Variants in CXADR observed in about 807,000 individuals in gnomAD.
The protein encoded by CXADR is CXADR cell adhesion molecule.
A neutral mutation model predicts 40.3 loss-of-function variants in CXADR; 20 were observed. The ratio of observed to expected loss-of-function variants is 0.50; its 90% confidence interval spans 0.35 to 0.72. CXADR has a LOEUF of 0.72. CXADR is among the 30% of genes least tolerant of loss of function. The pLI, the probability that CXADR is intolerant of heterozygous loss-of-function variation, is 0.01. For missense variants in CXADR, 332 were observed against 449.1 expected, an observed-to-expected ratio of 0.74 and a Z score of 2.36; for synonymous variants, 150 against 161.3, an observed-to-expected ratio of 0.93 and a Z score of 0.53.
chr21:17,546,515 A>C (rs990425619), intron 1 of CXADR, among the ~76,000 whole-genome samples: 16 of 152,214 alleles, frequency 1.1e-4, no homozygotes, highest in African/African-American at 3.9e-4. Flanking sequence ...TGGCCAGAGC[A>C]GAGAAGGGGG....
chr21:17,635,609 G>A, the CXADR span, among the ~76,000 whole-genome samples: 1 of 152,100 alleles, frequency 6.6e-6, no homozygotes, highest in Non-Finnish European at 1.5e-5. Context: ...AAGTTTTTGA[G>A]CTGTGAAATT....
chr21:17,560,422 A>G (rs1014184628), intron 4 of CXADR, among the ~76,000 whole-genome samples: 1 of 152,072 alleles, frequency 6.6e-6, no homozygotes, highest in African/African-American at 2.4e-5. Context: ...GTGCCCCAAG[A>G]TGGGTTTGCA....
the CXADR span, among the ~76,000 whole-genome samples, chr21:17,611,106 T>C: frequency 6.6e-6 from 1 of 152,216 alleles, no homozygotes; most frequent in Non-Finnish European, 1.5e-5. Flanking sequence ...CCACCACGAC[T>C]GCTGTGCAGC....
intron 7 of CXADR, among the ~76,000 whole-genome samples, chr21:17,591,626 T>C (rs2061435621): frequency 6.6e-6 from 1 of 151,942 alleles, no homozygotes. Flanking sequence ...AATATCCAAG[T>C]TTAACCTATA....
downstream of CXADR, among the ~76,000 whole-genome samples, chr21:17,598,020 TC>T (rs1691779043): frequency 6.6e-6 from 1 of 152,192 alleles, no homozygotes; most frequent in African/African-American, 2.4e-5. Flanking sequence ...CTTTAAAATA[TC>T]TTTCCTGTTG....
intron 1 of CXADR, among the ~76,000 whole-genome samples, chr21:17,537,193 C>T (rs1433263352): frequency 2.6e-5 from 4 of 152,202 alleles, no homozygotes; most frequent in African/African-American, 9.6e-5. Flanking sequence ...TTGTCTTTTT[C>T]CCCTTAGTGC....
intron 3 of CXADR, among the ~76,000 whole-genome samples, chr21:17,553,319 G>T (rs2060993265): frequency 6.6e-6 from 1 of 152,192 alleles, no homozygotes; most frequent in African/African-American, 2.4e-5. Context: ...CAAGAGTGGG[G>T]ATTTTTGTGT....
intron 1 of CXADR, among the ~76,000 whole-genome samples, chr21:17,540,163 A>G (rs980857957): frequency 2.6e-5 from 4 of 151,962 alleles, no homozygotes; most frequent in African/African-American, 9.7e-5. Context: ...TCTTAAGCGG[A>G]TGTCAGTTCC....
chr21:17,584,075 G>A (rs566323620), intron 7 of CXADR, among the ~76,000 whole-genome samples: 6 of 152,308 alleles, frequency 3.9e-5, no homozygotes, highest in South Asian at 2.1e-4. Flanking sequence ...ATCAACTCAG[G>A]TGGGAAAGAT....
downstream of CXADR, among the ~76,000 whole-genome samples, chr21:17,574,998 C>CACAT (rs1555875111): frequency 6.2e-3 from 235 of 38,092 alleles, no homozygotes; most frequent in Admixed American, 0.013. Context: ...TATATACACA[C>CACAT]ACATACATAC....
At chr21:17,619,660 C>A in the CXADR span, among the ~76,000 whole-genome samples, 1 of 151,632 alleles carries the variant, frequency 6.6e-6, no homozygotes, top group Non-Finnish European at 1.5e-5. Flanking sequence ...GCATTGACTT[C>A]TCTCCAGTTA....
intron 1 of CXADR, chr21:17,518,627 C>G: frequency 6.3e-7 from 1 of 1,583,644 alleles, no homozygotes; most frequent in East Asian, 2.2e-5. Flanking sequence ...CTGTCCAAGA[C>G]TTGCCGTGGG....
chr21:17,542,787 A>G (rs1297103574), intron 1 of CXADR, among the ~76,000 whole-genome samples: 2 of 152,228 alleles, frequency 1.3e-5, no homozygotes, highest in Non-Finnish European at 1.5e-5. Context: ...TCAACCTGCA[A>G]GTAGTTTGCA....
rs141374208 is a variant in CXADR at position 17,517,958 on chromosome 21, C to T, written c.43+4786C>T. Among the ~76,000 whole-genome samples, 489 of 152,186 alleles carry T rather than the reference C, an allele frequency of 3.2e-3. 3 individuals are homozygous for T. Among genetic ancestry groups the T allele is most frequent in the African/African-American group, 0.011 (474 of 41,510 alleles). On this transcript the variant is annotated intron_variant, in intron 1 of 6. Transcript: ENST00000284878. ...TGTTACCCATTACTCCAGCATGAAG[C>T]CAGTGGCAAAATACCTCAAGACATT...
intron 2 of CXADR, among the ~76,000 whole-genome samples, chr21:17,550,106 C>T (rs1004992275): frequency 6.6e-6 from 1 of 152,112 alleles, no homozygotes; most frequent in Non-Finnish European, 1.5e-5. Flanking sequence ...CCTGTAGTCC[C>T]AGCACTTTGG....
intron 1 of CXADR, among the ~76,000 whole-genome samples, chr21:17,518,258 C>T (rs761980274): frequency 6.6e-6 from 1 of 151,808 alleles, no homozygotes; most frequent in East Asian, 1.9e-4. Context: ...ACCAAAAATA[C>T]CCCAAACCAA....
At chr21:17,572,222 T>A (rs944145664), downstream of CXADR, among the ~76,000 whole-genome samples, 2 of 95,812 alleles carry the variant, frequency 2.1e-5, no homozygotes, top group Admixed American at 1.0e-4. Flanking sequence ...AAAAAAAAAA[T>A]TAGGCAGGCG....
At chr21:17,588,005 G>T (rs530487844) in intron 7 of CXADR, among the ~76,000 whole-genome samples, 10 of 152,130 alleles carry the variant, frequency 6.6e-5, no homozygotes, top group Admixed American at 6.5e-4. Context: ...TTTCCCCATT[G>T]CTTGTTTTTC....
At position 17,528,068 on chromosome 21, in the gene CXADR, C is replaced by CTTT. The variant is rs35477813; in HGVS notation, c.43+14917_43+14919dup. ...GTGCTCTCCTTATGCTTAGTTCTTTCTTTTTTTTTTTTTTTTTTTTTTTGA... is the reference window on the plus strand; with the variant it reads ...GTGCTCTCCTTATGCTTAGTTCTTTCTTTTTTTTTTTTTTTTTTTTTTTTTTGA... On this transcript the variant is annotated intron_variant, in intron 1 of 6. Transcript: ENST00000284878. 9.1e-3 allele frequency among the ~76,000 whole-genome samples: 712 copies of CTTT among 78,316 alleles called. 10 individuals carry two copies. Among genetic ancestry groups the CTTT allele is most frequent in the East Asian group, 0.012 (32 of 2,582 alleles). The allele number at this position is 78,316 out of a possible 152,430, so 51.4% of individuals were successfully genotyped here. A position where few individuals can be genotyped will look rare whatever the true frequency, so the allele number is the denominator to read the frequency against.
Sources: gnomAD v4.1 joint callset for allele counts (sites outside exome capture counted in the v4.1 genomes callset) on GRCh38, gnomAD v4.1.1 for gene constraint, MANE v1.5 for transcripts, NCBI Gene and HGNC (gene_info 2026-07-23, HGNC 2026-07-21) for gene names.